ADAMTS16: variants seen among roughly 807,000 people sequenced by gnomAD.
ADAMTS16 encodes the protein ADAM metallopeptidase with thrombospondin type 1 motif 16, also known as A disintegrin and metalloproteinase with thrombospondin motifs 16.
Under a neutral mutation model 145.8 loss-of-function variants are expected in ADAMTS16, and 94 were observed. The ratio of observed to expected loss-of-function variants is 0.64; its 90% CI spans 0.55 to 0.77. The LOEUF (loss-of-function observed/expected upper bound fraction) is 0.77, where lower values mean the gene tolerates loss of function less well. ADAMTS16 is among the 30% of genes least tolerant of loss of function. The pLI is 0.00. For synonymous variants in ADAMTS16, 659 were observed against 604.3 expected (o/e 1.09, Z -1.33); for missense variants, 1,585 against 1,591.5 (o/e 1.00, Z 0.07).
chr5:5,179,105 G>A (rs554195495), intron 3 of ADAMTS16, among the ~76,000 whole-genome samples: 1 of 150,472 alleles, frequency 6.6e-6, no homozygotes, highest in African/African-American at 2.5e-5. Flanking sequence ...AGTATATTAA[G>A]TCTTACAAAC....
chr5:5,220,272 G>A (rs1736558715), intron 10 of ADAMTS16, among the ~76,000 whole-genome samples: 1 of 146,202 alleles, frequency 6.8e-6, no homozygotes, highest in South Asian at 2.1e-4. Context: ...CCATTCTCCT[G>A]ACTCAGCCTC....
intron 18 of ADAMTS16, among the ~76,000 whole-genome samples, chr5:5,299,547 T>C (rs79076136): frequency 0.065 from 9,891 of 152,240 alleles, 437 homozygotes; most frequent in South Asian, 0.12. Flanking sequence ...GGAGTCATTT[T>C]GTTGAGAAAT....
chr5:5,177,771 G>A (rs11738451), intron 3 of ADAMTS16, among the ~76,000 whole-genome samples: 3 of 152,080 alleles, frequency 2.0e-5, no homozygotes, highest in Non-Finnish European at 4.4e-5. Flanking sequence ...AGATGGAGGA[G>A]AGTAAAAATG....
chr5:5,227,095 A>G (rs1736787251), intron 11 of ADAMTS16, among the ~76,000 whole-genome samples: 1 of 152,244 alleles, frequency 6.6e-6, no homozygotes, highest in Admixed American at 6.5e-5. Flanking sequence ...GGTAGTTTCT[A>G]TCATCGCTAA....
In ADAMTS16 at chr5:5,190,125, C is replaced by T; in HGVS notation, c.1202C>T (p.Thr401Ile). Reference protein sequence around the residue: ...ICSWKNEPCDTLGFAPISGMC... With the variant: ...ICSWKNEPCDILGFAPISGMC... ...TCCTGGAAGAATGAGCCCTGTGACACTTTGGGTGAGAACCTCCAGCAGAGT... is the reference window on the plus strand; with the variant it reads ...TCCTGGAAGAATGAGCCCTGTGACATTTTGGGTGAGAACCTCCAGCAGAGT... The change falls in exon 7 of 23, where the codon ACT becomes ATT. Residue 401 changes from threonine to isoleucine, a missense_variant. Coordinates refer to ENST00000274181, the MANE Select transcript of ADAMTS16 (RefSeq NM_139056.4). 2 of 1,591,876 alleles carry T rather than the reference C, an allele frequency of 1.3e-6. No individual in the cohort carries two copies. The highest frequency in any genetic ancestry group is 1.7e-6 in the Non-Finnish European group (2 of 1,168,752).
At chr5:5,231,864 C>T (rs1229061829) in intron 11 of ADAMTS16, among the ~76,000 whole-genome samples, 5 of 152,156 alleles carry the variant, frequency 3.3e-5, no homozygotes, top group Admixed American at 1.3e-4. Flanking sequence ...ATCAGTTAAT[C>T]GTCCCAAGGC....
rs773273180 is a variant in ADAMTS16 at position 5,317,168 on chromosome 5, G to A, written c.3412-966G>A. On this transcript the variant is annotated intron_variant, in intron 21 of 22. Coordinates refer to ENST00000274181, the MANE Select transcript of ADAMTS16 (RefSeq NM_139056.4). The surrounding 1 kb of genome is among the most constrained non-coding windows in gnomAD (Gnocchi z 4.5). The stretch of plus-strand genomic sequence containing the variant: ...GAGTTAGGGAAGTAAGTACCTTTGC[G>A]CCAGGTCCCAGGTGGTAACATCAGC... Among the ~76,000 whole-genome samples, 2 of 152,260 alleles carry A rather than the reference G, an allele frequency of 1.3e-5. No homozygotes were observed. Among genetic ancestry groups the A allele is most frequent in the South Asian group, 2.1e-4 (1 of 4,822 alleles).
intron 3 of ADAMTS16, among the ~76,000 whole-genome samples, chr5:5,176,559 G>A (rs4701693): frequency 0.21 from 32,623 of 151,906 alleles, 4,299 homozygotes; most frequent in Admixed American, 0.39. Flanking sequence ...AAATATGGAT[G>A]TTCTCAGTGT....
chr5:5,191,114 G>C (rs372635800), intron 7 of ADAMTS16, among the ~76,000 whole-genome samples: 2 of 152,168 alleles, frequency 1.3e-5, no homozygotes. Context: ...TGCAGGGCAA[G>C]GACCCTTAGA....
At chr5:5,152,541 G>A (rs146851915) in intron 3 of ADAMTS16, among the ~76,000 whole-genome samples, 4 of 152,328 alleles carry the variant, frequency 2.6e-5, no homozygotes, top group African/African-American at 9.6e-5. Flanking sequence ...GATGCAAGTG[G>A]CTTGCCTCCC....
chr5:5,177,489 A>G (rs1191709465), intron 3 of ADAMTS16, among the ~76,000 whole-genome samples: 1 of 152,222 alleles, frequency 6.6e-6, no homozygotes, highest in Non-Finnish European at 1.5e-5. Flanking sequence ...AACAGACACA[A>G]AATTTCTTGG....
Position 5,262,727 on chromosome 5 carries a change from C to A in ADAMTS16, c.2733C>A (p.Pro911=), listed in dbSNP as rs749294596. Residue 911 remains proline (P), a synonymous_variant, in exon 18 of 23, where the codon CCC becomes CCA. Transcript: ENST00000274181. ...AAGTAAATATGTCCTTCTGCAATCC[C>A]AAGACACGACCTGTCACGGGGCTGG... The part of the protein sequence containing the change: ...KFQVNMSFCN[P]KTRPVTGLVP... 1 of 1,614,236 alleles carries A rather than the reference C, an allele frequency of 6.2e-7. No homozygotes were observed. The highest frequency in any genetic ancestry group is 1.7e-5 in the Admixed American group (1 of 60,034).
chr5:5,275,004 G>A (rs985521607), intron 18 of ADAMTS16, among the ~76,000 whole-genome samples: 5 of 152,090 alleles, frequency 3.3e-5, no homozygotes, highest in African/African-American at 1.2e-4. Context: ...AAAACAAACT[G>A]GTGGATAGAT....
chr5:5,191,301 C>T (rs544871794), intron 7 of ADAMTS16, among the ~76,000 whole-genome samples: 3 of 152,330 alleles, frequency 2.0e-5, no homozygotes, highest in African/African-American at 7.2e-5. Flanking sequence ...CCATTCTCTA[C>T]AGCACCTTTT....
chr5:5,187,853 AT>A (rs763753109), intron 6 of ADAMTS16, 45 bp downstream of exon 6: 2 of 1,305,412 alleles, frequency 1.5e-6, no homozygotes, highest in Non-Finnish European at 2.2e-6. Flanking sequence ...TCCTAGAAAA[AT>A]AAATGCAAAA....
At chr5:5,255,983 T>C (rs1443400567) in intron 17 of ADAMTS16, among the ~76,000 whole-genome samples, 4 of 152,236 alleles carry the variant, frequency 2.6e-5, no homozygotes, top group Non-Finnish European at 4.4e-5. Context: ...ACAGTTTATC[T>C]TTTGTAGCAT....
At chr5:5,249,657 C>T (rs546718151) in intron 17 of ADAMTS16, among the ~76,000 whole-genome samples, 5 of 152,228 alleles carry the variant, frequency 3.3e-5, no homozygotes, top group East Asian at 3.9e-4. Context: ...AGGGTGTCTG[C>T]GACCCCTGGA....
rs183833136 is a variant in ADAMTS16, at chr5:5,271,316, A to G, written c.2789+8533A>G. 1.9e-3 allele frequency among the ~76,000 whole-genome samples: 297 copies of G among 152,318 alleles called. 1 individual carries two copies. The highest frequency in any genetic ancestry group is 5.5e-3 in the African/African-American group (230 of 41,580). ...CTGTGCAGCCTCGGCCAGCAGGAGT[A>G]TCCTGGAGAAATAACAGGCATCAGC... On this transcript the variant is annotated intron_variant, in intron 18 of 22. Coordinates refer to ENST00000274181, the MANE Select transcript of ADAMTS16 (RefSeq NM_139056.4).
At chr5:5,206,395 C>T (rs1736116397) in intron 9 of ADAMTS16, among the ~76,000 whole-genome samples, 1 of 98,470 alleles carries the variant, frequency 1.0e-5, no homozygotes, top group South Asian at 4.1e-4. Context: ...CACTGCACTC[C>T]AGCCTGGGCG....
Sources: allele counts gnomAD v4.1 joint callset (sites outside exome capture counted in the v4.1 genomes callset), GRCh38; gene constraint gnomAD v4.1.1; non-coding constraint Gnocchi (gnomAD v3.1); transcripts MANE v1.5; gene names NCBI Gene and HGNC (gene_info 2026-07-23, HGNC 2026-07-21).